IL27RA: variants seen among roughly 807,000 people sequenced by gnomAD.
IL27RA encodes the protein interleukin 27 receptor subunit alpha.
In IL27RA, 61 loss-of-function variants were observed where a neutral mutation model predicts 80.8. That is an observed-to-expected ratio of 0.76 (90% CI 0.61 to 0.93). The LOEUF (loss-of-function observed/expected upper bound fraction) is 0.93. Among genes scored for constraint, IL27RA ranks in the 40% least tolerant of loss-of-function variants. IL27RA has a pLI of 0.00. For missense variants in IL27RA, 735 were observed against 808.1 expected (o/e 0.91, Z 1.10); for synonymous variants, 316 against 332.5 (o/e 0.95, Z 0.54).
At chr19:14,039,253 C>T (rs1042639448) in intron 2 of IL27RA, among the ~76,000 whole-genome samples, 1 of 150,582 alleles carries the variant, frequency 6.6e-6, no homozygotes, top group African/African-American at 2.5e-5. Context: ...CGACATTATA[C>T]TCCAACCTAG....
chr19:14,051,609 A>AAC lies in IL27RA; in HGVS notation c.1534_1535dup (p.Leu513ProfsTer2), dbSNP rs754350914. On this transcript the variant is annotated frameshift_variant, in exon 12 of 14. Coordinates refer to ENST00000263379, the MANE Select transcript of IL27RA (RefSeq NM_004843.4). LOFTEE classifies it high-confidence loss of function. ...TGATCTCTTCCCTACCCTACCAGAT[A>AAC]ACACCCTGAGGTGGAAAGTTCTGCC... 1 of 1,590,768 alleles carries AAC rather than the reference A, an allele frequency of 6.3e-7. No homozygotes were observed. Among genetic ancestry groups the AAC allele is most frequent in the Non-Finnish European group, 8.6e-7 (1 of 1,163,494 alleles).
rs771613943 is a variant in IL27RA at position 14,042,477 on chromosome 19, C to A, written c.559C>A (p.Pro187Thr). The part of the protein sequence containing the change: ...TLLEPELKTI[P>T]LTPVEIQDLE... ...GCTGGAACCGGAGCTGAAGACCATA[C>A]CCCTGACCCCTGTTGAGATCCAAGA... Residue 187 changes from proline to threonine, a missense_variant, in exon 5 of 14, where the codon CCC (proline) becomes ACC (threonine). Coordinates refer to ENST00000263379, the MANE Select transcript of IL27RA (RefSeq NM_004843.4). 2.4e-5 allele frequency: 39 copies of A among 1,614,050 alleles called. No individual in the cohort carries two copies. Among genetic ancestry groups the A allele is most frequent in the Non-Finnish European group, 2.8e-5 (33 of 1,180,034 alleles).
At position 14,050,790 on chromosome 19, in the gene IL27RA, G is replaced by C; in HGVS notation, c.1435G>C (p.Asp479His). The change falls in exon 11 of 14, where the codon GAC (aspartate) becomes CAC (histidine). Residue 479 changes from aspartate (D) to histidine (H), a missense_variant. Physicochemically the swap from Asp to His is moderately conservative, Grantham distance 81 (BLOSUM62 -1). Coordinates refer to ENST00000263379, the MANE Select transcript of IL27RA (RefSeq NM_004843.4). Reference sequence around the variant, plus strand: ...CAACACACAGAGTGTCACCCTGCCTGACCTTCCTTGGGGTCCCTGTGAGCT... The same window carrying C: ...CAACACACAGAGTGTCACCCTGCCTCACCTTCCTTGGGGTCCCTGTGAGCT... ...SGNTQSVTLP[D>H]LPWGPCELWV... 6.2e-7 allele frequency: 1 copy of C among 1,613,530 alleles called. No homozygotes were observed. The highest frequency in any genetic ancestry group is 2.2e-5 in the East Asian group (1 of 44,874).
At position 14,051,831 on chromosome 19, in the gene IL27RA, G is replaced by T. The variant is rs564604611; in HGVS notation, c.1623-49G>T. The T allele has an allele frequency of 4.0e-6, 6 of 1,488,166 alleles. No homozygotes were observed. The African/African-American group carries it at 5.5e-5, about 14-fold the overall frequency. 92.2% of individuals were successfully genotyped at this position (1,488,166 alleles called of 1,614,324 possible). A position where few individuals can be genotyped will look rare whatever the true frequency, so the allele number is the denominator to read the frequency against. On this transcript the variant is annotated intron_variant, in intron 12 of 13. Transcript: ENST00000263379. ...TCATGAACCCTGCACCCTGGGCTGG[G>T]GCATCTGGCCATCTGGATCTGCTGC... is the stretch of plus-strand genomic sequence containing the variant.
At chr19:14,046,008 G>T (rs1976059090) in intron 6 of IL27RA, 146 bp from the exon 7 acceptor site, 7 of 777,008 alleles carry the variant, frequency 9.0e-6, no homozygotes, top group Non-Finnish European at 1.5e-5. Flanking sequence ...CTGGGTAACA[G>T]AATGAAGACT....
chr19:14,048,752 G>T (rs1331553782), intron 8 of IL27RA, among the ~76,000 whole-genome samples: 1 of 152,124 alleles, frequency 6.6e-6, no homozygotes, highest in Admixed American at 6.5e-5. Flanking sequence ...GGCCCCTAGA[G>T]GTCCCCCATG....
In IL27RA at chr19:14,039,638, C is replaced by A. The variant is rs748065051; in HGVS notation, c.349C>A (p.Pro117Thr). 1 of 1,614,040 alleles carries A rather than the reference C, an allele frequency of 6.2e-7. No individual in the cohort carries two copies. The highest frequency in any genetic ancestry group is 8.5e-7 in the Non-Finnish European group (1 of 1,179,962). ...GTKAGQPLWP[P>T]VFVNLETQMK... ...TAAGGCAGGCCAGCCTCTCTGGCCC[C>A]CCGTCTTCGTGAACCTAGAAACCCA... The change falls in exon 3 of 14, where the codon CCC (proline) becomes ACC (threonine). Residue 117 changes from proline to threonine, a missense_variant. Coordinates refer to ENST00000263379, the MANE Select transcript of IL27RA (RefSeq NM_004843.4).
chr19:14,048,294 T>TAAATA (rs1568503337), intron 8 of IL27RA, among the ~76,000 whole-genome samples: 1 of 145,932 alleles, frequency 6.9e-6, no homozygotes, highest in African/African-American at 2.6e-5. Context: ...ATAAATAAAT[T>TAAATA]AATTAATTAA....
At chr19:14,046,108 C>G (rs756950683) in intron 6 of IL27RA, 46 bp from the exon 7 acceptor site, 1 of 1,553,166 alleles carries the variant, frequency 6.4e-7, no homozygotes, top group South Asian at 1.2e-5. Context: ...CATATATGTG[C>G]GTGATTAATG....
chr19:14,048,893 C>T, intron 8 of IL27RA, 88 bp from the exon 9 acceptor site: 1 of 1,113,006 alleles, frequency 9.0e-7, no homozygotes. Context: ...CTCAGGGTGT[C>T]CTTCTGGGGA....
intron 6 of IL27RA, among the ~76,000 whole-genome samples, chr19:14,044,948 AC>A (rs1431582635): frequency 6.0e-5 from 9 of 150,404 alleles, no homozygotes; most frequent in Non-Finnish European, 1.2e-4. Context: ...AGATGGTGAA[AC>A]CCCCATCTCT....
intron 12 of IL27RA, 48 bp from the exon 13 acceptor site, chr19:14,051,832 G>C (rs376876725): frequency 4.7e-6 from 7 of 1,485,066 alleles, no homozygotes; most frequent in Non-Finnish European, 6.5e-6. Flanking sequence ...CTGGGCTGGG[G>C]CATCTGGCCA....
At chr19:14,041,699 A>G (rs971041484) in intron 4 of IL27RA, among the ~76,000 whole-genome samples, 10 of 152,108 alleles carry the variant, frequency 6.6e-5, no homozygotes, top group African/African-American at 2.4e-4. Flanking sequence ...GACTGTGGCA[A>G]TTTTTTTGAC....
At position 14,039,756 on chromosome 19, in the gene IL27RA, A is replaced by G. The variant is rs1975962176; in HGVS notation, c.380A>G (p.Lys127Arg). Residue 127 changes from lysine to arginine, a missense_variant, in exon 4 of 14, where the codon AAG becomes AGG. Lys to Arg is a conservative substitution (Grantham distance 26, BLOSUM62 2). Transcript: ENST00000263379. ...ACCCTAGTTTCCCCTTCCCCAGTGAAGCCAAACGCCCCCCGGCTGGGCCCT... is the reference window on the plus strand; with the variant it reads ...ACCCTAGTTTCCCCTTCCCCAGTGAGGCCAAACGCCCCCCGGCTGGGCCCT... Reference protein sequence around the residue: ...PVFVNLETQMKPNAPRLGPDV... With the variant: ...PVFVNLETQMRPNAPRLGPDV... The G allele has an allele frequency of 6.2e-7, 1 of 1,613,438 alleles. No homozygotes were observed. The highest frequency in any genetic ancestry group is 8.5e-7 in the Non-Finnish European group (1 of 1,179,640).
Position 14,050,787 on chromosome 19 carries a change from C to T in IL27RA, c.1432C>T (p.Pro478Ser), listed in dbSNP as rs372977633. 6.2e-7 allele frequency: 1 copy of T among 1,613,454 alleles called. No homozygotes were observed. Among genetic ancestry groups the T allele is most frequent in the Non-Finnish European group, 8.5e-7 (1 of 1,179,502 alleles). Reference sequence around the variant, plus strand: ...TGGCAACACACAGAGTGTCACCCTGCCTGACCTTCCTTGGGGTCCCTGTGA... The same window carrying T: ...TGGCAACACACAGAGTGTCACCCTGTCTGACCTTCCTTGGGGTCCCTGTGA... ...VSGNTQSVTLPDLPWGPCELW... is the reference protein window; with the variant it reads ...VSGNTQSVTLSDLPWGPCELW... Residue 478 changes from proline (P) to serine (S), a missense_variant, in exon 11 of 14, where the codon CCT becomes TCT. Coordinates refer to ENST00000263379, the MANE Select transcript of IL27RA (RefSeq NM_004843.4).
chr19:14,043,869 G>A (rs1043716864), intron 6 of IL27RA, among the ~76,000 whole-genome samples: 1 of 150,428 alleles, frequency 6.6e-6, no homozygotes, highest in African/African-American at 2.4e-5. Context: ...CCAACATGGT[G>A]AAACCCCATC....
At chr19:14,041,990 G>T (rs1975995120) in intron 4 of IL27RA, among the ~76,000 whole-genome samples, 1 of 152,072 alleles carries the variant, frequency 6.6e-6, no homozygotes, top group Non-Finnish European at 1.5e-5. Context: ...CACGAGGTCA[G>T]GAGATCGAGA....
Position 14,046,530 on chromosome 19 carries a change from T to C in IL27RA, c.1053T>C (p.His351=), listed in dbSNP as rs1487002694. ...CGGGGCCTGGGGAACCACTGGAGCA[T>C]GTAGTGGACTGGGCTCGAGATGGGG... ...WQPGPGEPLE[H]VVDWARDGDP... Residue 351 remains histidine (H), a synonymous_variant, in exon 8 of 14, where the codon CAT becomes CAC. Coordinates refer to ENST00000263379, the MANE Select transcript of IL27RA (RefSeq NM_004843.4). The C allele has an allele frequency of 6.2e-7, 1 of 1,614,032 alleles. No homozygotes were observed. Among genetic ancestry groups the C allele is most frequent in the African/African-American group, 1.3e-5 (1 of 75,010 alleles).
chr19:14,042,375 A>C (rs1262940115), intron 4 of IL27RA, 78 bp from the exon 5 acceptor site: 3 of 1,485,260 alleles, frequency 2.0e-6, no homozygotes, highest in Non-Finnish European at 2.7e-6. Context: ...ACGAAAAACA[A>C]AGGAAAAAAA....
Sources: allele counts gnomAD v4.1 joint callset (sites outside exome capture counted in the v4.1 genomes callset), GRCh38; gene constraint gnomAD v4.1.1; transcripts MANE v1.5; gene names NCBI Gene and HGNC (gene_info 2026-07-23, HGNC 2026-07-21).